POC1B: variants seen among roughly 807,000 people sequenced by gnomAD.
The protein encoded by POC1B is POC1 centriolar protein homolog B.
Under a neutral mutation model 60.6 loss-of-function variants are expected in POC1B, and 44 were observed. The ratio of observed to expected loss-of-function variants is 0.73; its 90% CI spans 0.57 to 0.93. The LOEUF (loss-of-function observed/expected upper bound fraction) is 0.93, where lower values mean the gene tolerates loss of function less well. Ranked by LOEUF, POC1B falls within the 40% of genes least tolerant of loss-of-function variation. POC1B has a pLI of 0.00. For missense variants in POC1B, 555 were observed against 572.3 expected, an observed-to-expected ratio of 0.97 and a Z score of 0.31; for synonymous variants, 180 against 198.9, an observed-to-expected ratio of 0.90 and a Z score of 0.80.
chr12:89,504,524 T>C (rs950580335), intron 2 of POC1B, among the ~76,000 whole-genome samples: 1 of 152,092 alleles, frequency 6.6e-6, no homozygotes, highest in African/African-American at 2.4e-5. Context: ...CACTTGTTTA[T>C]CTGCTGACCT....
the POC1B span, among the ~76,000 whole-genome samples, chr12:89,403,834 G>C: frequency 0.5 from 75,354 of 151,890 alleles, 19,649 homozygotes; most frequent in Middle Eastern, 0.61. Context: ...GCCTTCTGGA[G>C]TAAAATAAAA....
chr12:89,446,734 A>G (rs1471871315), intron 10 of POC1B, among the ~76,000 whole-genome samples: 4 of 152,040 alleles, frequency 2.6e-5, no homozygotes, highest in African/African-American at 4.8e-5. Context: ...AAAAAAAAAG[A>G]AAAACATTTT....
intron 2 of POC1B, among the ~76,000 whole-genome samples, chr12:89,516,659 T>C (rs564489363): frequency 1.3e-5 from 2 of 152,312 alleles, no homozygotes; most frequent in South Asian, 2.1e-4. Flanking sequence ...CAAATTACCA[T>C]AAACCTGGAG....
intron 2 of POC1B, chr12:89,524,794 C>T: frequency 1.6e-6 from 1 of 619,984 alleles, no homozygotes; most frequent in Non-Finnish European, 2.8e-6. Flanking sequence ...TTTTCACAAA[C>T]TCTCCAGCCA....
chr12:89,445,323 A>C (rs561962162), intron 10 of POC1B, among the ~76,000 whole-genome samples: 38 of 152,334 alleles, frequency 2.5e-4, no homozygotes, highest in African/African-American at 8.7e-4. Flanking sequence ...AAAAGAACAA[A>C]GCTGGAGGCA....
intron 11 of POC1B, among the ~76,000 whole-genome samples, chr12:89,421,824 A>T (rs1164216635): frequency 3.3e-5 from 5 of 152,226 alleles, no homozygotes; most frequent in Non-Finnish European, 7.3e-5. Context: ...ATTGAATAAA[A>T]TAATGCATGT....
At chr12:89,475,745 C>T (rs975526316) in intron 4 of POC1B, among the ~76,000 whole-genome samples, 5 of 152,170 alleles carry the variant, frequency 3.3e-5, no homozygotes, top group Admixed American at 1.3e-4. Flanking sequence ...CCTTTAAAAA[C>T]GTCTACAAAG....
At chr12:89,480,731 G>T (rs553919200) in intron 4 of POC1B, among the ~76,000 whole-genome samples, 1 of 151,286 alleles carries the variant, frequency 6.6e-6, no homozygotes, top group Non-Finnish European at 1.5e-5. Flanking sequence ...CTCCTGAGTA[G>T]CTGGGACTAC....
At chr12:89,506,301 G>A (rs540592245) in intron 2 of POC1B, among the ~76,000 whole-genome samples, 2 of 152,338 alleles carry the variant, frequency 1.3e-5, no homozygotes, top group East Asian at 1.9e-4. Context: ...GCAAAATGAG[G>A]TGTTAAAAGT....
In POC1B at chr12:89,421,036, C is replaced by T. The variant is rs1347624933; in HGVS notation, c.*117G>A. ...CTGTTGCTCACCCTTTTAAGAAATG[C>T]CATGATAAATAGCACATGGTTGTGT... On this transcript the variant is annotated 3_prime_UTR_variant, in exon 12 of 12. Transcript: ENST00000313546. The T allele has an allele frequency of 2.8e-6, 2 of 720,868 alleles. No homozygotes were observed. The highest frequency in any genetic ancestry group is 3.5e-5 in the African/African-American group (2 of 57,446). 44.7% of individuals were successfully genotyped at this position (720,868 alleles called of 1,614,324 possible).
intron 2 of POC1B, chr12:89,499,984 T>C: frequency 1.3e-6 from 1 of 769,410 alleles, no homozygotes; most frequent in Non-Finnish European, 2.2e-6. Flanking sequence ...GGGTGTTGCT[T>C]GGCCGCCGCC....
chr12:89,425,407 A>C (rs1475885965), intron 10 of POC1B, 28 bp from the exon 11 acceptor site: 3 of 1,566,644 alleles, frequency 1.9e-6, no homozygotes, highest in African/African-American at 1.4e-5. Context: ...ATGTAGGAAG[A>C]GTTATATTTT....
chr12:89,433,385 C>T (rs576174117), intron 10 of POC1B, among the ~76,000 whole-genome samples: 3 of 152,080 alleles, frequency 2.0e-5, no homozygotes, highest in Non-Finnish European at 2.9e-5. Flanking sequence ...GCTGAGTGCC[C>T]ATGGAGCTTT....
downstream of POC1B, among the ~76,000 whole-genome samples, chr12:89,416,461 T>C (rs1221000448): frequency 1.3e-5 from 2 of 152,070 alleles, no homozygotes; most frequent in Non-Finnish European, 2.9e-5. Context: ...GGATAAAGAA[T>C]GTAGAAAAGG....
At chr12:89,460,400 T>C (rs1291246052) in intron 9 of POC1B, among the ~76,000 whole-genome samples, 1 of 152,210 alleles carries the variant, frequency 6.6e-6, no homozygotes, top group Non-Finnish European at 1.5e-5. Context: ...AACAGAGTGC[T>C]GTATATGGAA....
intron 10 of POC1B, chr12:89,426,436 G>A (rs1351076720): frequency 2.0e-5 from 3 of 152,052 alleles, no homozygotes; most frequent in African/African-American, 7.2e-5. Flanking sequence ...AAAACAGAAA[G>A]TCCTCCATAT....
At chr12:89,500,065 AC>A in intron 2 of POC1B, 1 of 1,283,066 alleles carries the variant, frequency 7.8e-7, no homozygotes, top group Non-Finnish European at 1.1e-6. Flanking sequence ...CACCTCAGAC[AC>A]CTGCGCTGGC....
intron 10 of POC1B, among the ~76,000 whole-genome samples, chr12:89,446,468 T>A (rs977635578): frequency 6.6e-6 from 1 of 151,988 alleles, no homozygotes; most frequent in Non-Finnish European, 1.5e-5. Flanking sequence ...TGGATGAAGG[T>A]GGAAACCATC....
chr12:89,470,454 C>T lies in POC1B; in HGVS notation c.717G>A (p.Ser239=), dbSNP rs751262941. ...AAGAAGCTGTGATGAGATAGTTACC[C>T]GAAGGATGGAATGATATGCAATTAA... is the stretch of plus-strand genomic sequence containing the variant. The part of the protein sequence containing the change: ...GGVNCISFHP[S]GNYLITASSD... The change falls in exon 7 of 12, where the codon TCG becomes TCA. Residue 239 remains serine, a synonymous_variant. Coordinates refer to ENST00000313546, the MANE Select transcript of POC1B (RefSeq NM_172240.3). 11 of 1,606,838 alleles carry T rather than the reference C, an allele frequency of 6.8e-6. No homozygotes were observed. The highest frequency in any genetic ancestry group is 8.5e-6 in the Non-Finnish European group (10 of 1,174,930).
Sources: gnomAD v4.1 joint callset for allele counts (sites outside exome capture counted in the v4.1 genomes callset) on GRCh38, gnomAD v4.1.1 for gene constraint, MANE v1.5 for transcripts, NCBI Gene and HGNC (gene_info 2026-07-23, HGNC 2026-07-21) for gene names.